CSMD1: variants seen among roughly 807,000 people sequenced by gnomAD.
The protein encoded by CSMD1 is CUB and sushi domain-containing protein 1.
Under a neutral mutation model 417.5 loss-of-function variants are expected in CSMD1, and 213 were observed. The observed-to-expected ratio is 0.51, with a 90% confidence interval of 0.46 to 0.57. The LOEUF (loss-of-function observed/expected upper bound fraction) is 0.57, where lower values mean the gene tolerates loss of function less well. CSMD1 is among the 20% of genes least tolerant of loss of function. The probability of loss-of-function intolerance (pLI) is 0.00; values close to 1 mark genes in which losing one functional copy is unlikely to be tolerated. For synonymous variants in CSMD1, 2,862 were observed against 1,736.8 expected, an observed-to-expected ratio of 1.65 and a Z score of -16.11; for missense variants, 6,923 against 4,529.7, an observed-to-expected ratio of 1.53 and a Z score of -15.17.
At chr8:3,727,993 T>C (rs1369541900) in intron 6 of CSMD1, among the ~76,000 whole-genome samples, 3 of 152,120 alleles carry the variant, frequency 2.0e-5, no homozygotes, top group Non-Finnish European at 4.4e-5. Context: ...TGGAAATGCA[T>C]GGTGGTGGAG....
intron 1 of CSMD1, among the ~76,000 whole-genome samples, chr8:4,881,093 A>G (rs1012995574): frequency 5.3e-5 from 8 of 152,086 alleles, no homozygotes; most frequent in Non-Finnish European, 7.4e-5. Flanking sequence ...TCCAGCCCAC[A>G]TTGTTCTTCC....
intron 49 of CSMD1, among the ~76,000 whole-genome samples, chr8:3,083,387 A>G (rs1814251072): frequency 6.6e-6 from 1 of 151,488 alleles, no homozygotes; most frequent in Admixed American, 6.6e-5. Flanking sequence ...CATCGTTGAT[A>G]ATCAGAGTGC....
intron 41 of CSMD1, 77 bp from the exon 42 acceptor site, chr8:3,118,664 A>T (rs1305208555): frequency 1.6e-6 from 2 of 1,270,514 alleles, no homozygotes; most frequent in African/African-American, 3.0e-5. Context: ...GAGTGTCATC[A>T]CATGTGACTG....
chr8:4,314,227 G>A (rs1204356744), intron 3 of CSMD1, among the ~76,000 whole-genome samples: 3 of 151,812 alleles, frequency 2.0e-5, no homozygotes, highest in African/African-American at 7.3e-5. Flanking sequence ...TAATAGTTAA[G>A]TCACAACACA....
intron 1 of CSMD1, among the ~76,000 whole-genome samples, chr8:4,839,632 G>C (rs558984078): frequency 2.0e-5 from 3 of 152,220 alleles, no homozygotes; most frequent in South Asian, 2.1e-4. Context: ...AGAAGAACTT[G>C]TTCCTCACAC....
chr8:3,426,807 T>C (rs1813870567), intron 12 of CSMD1, among the ~76,000 whole-genome samples: 1 of 152,244 alleles, frequency 6.6e-6, no homozygotes, highest in Non-Finnish European at 1.5e-5. Context: ...AGTTTCCTCA[T>C]GTTCCAAATC....
intron 3 of CSMD1, among the ~76,000 whole-genome samples, chr8:4,105,849 G>C (rs1563130602): frequency 1.3e-5 from 2 of 152,186 alleles, no homozygotes; most frequent in South Asian, 2.1e-4. Context: ...ATGACCCTCT[G>C]AGCTTCCCGG....
At chr8:4,365,718 G>A (rs1802030792) in intron 3 of CSMD1, among the ~76,000 whole-genome samples, 1 of 152,130 alleles carries the variant, frequency 6.6e-6, no homozygotes, top group Admixed American at 6.5e-5. Flanking sequence ...TCTGCCACGT[G>A]CTTTAGGCTG....
rs151213129 is a variant in CSMD1 at position 4,144,626 on chromosome 8, G to C, written c.416-112527C>G. Among the ~76,000 whole-genome samples, 12 of 150,964 alleles carry C rather than the reference G, an allele frequency of 7.9e-5. 1 individual carries two copies. Among genetic ancestry groups the C allele is most frequent in the African/African-American group, 2.5e-4 (10 of 40,312 alleles). ...GGTGAAGACAAGCTTGTTCTTGTTT[G>C]TCTGGAGCTTCTTTTTATCAGGAGA... On this transcript the variant is annotated intron_variant, in intron 3 of 69. Coordinates refer to ENST00000635120, the MANE Select transcript of CSMD1 (RefSeq NM_033225.6).
At chr8:4,605,883 G>C (rs1310273371) in intron 2 of CSMD1, among the ~76,000 whole-genome samples, 5 of 152,114 alleles carry the variant, frequency 3.3e-5, no homozygotes, top group Admixed American at 2.0e-4. Flanking sequence ...GGCTGGAGTA[G>C]AGACATTTGG....
At chr8:4,191,907 A>G (rs762252027) in intron 3 of CSMD1, among the ~76,000 whole-genome samples, 2 of 152,214 alleles carry the variant, frequency 1.3e-5, no homozygotes. Flanking sequence ...ATGAGGAAAG[A>G]AAGTGAGCAT....
chr8:4,709,605 C>T (rs942948288), intron 1 of CSMD1, among the ~76,000 whole-genome samples: 5 of 152,136 alleles, frequency 3.3e-5, no homozygotes, highest in African/African-American at 9.7e-5. Flanking sequence ...TGTCCAAAGG[C>T]AAGAAACAAA....
intron 3 of CSMD1, among the ~76,000 whole-genome samples, chr8:4,319,455 A>T (rs1184156175): frequency 1.3e-5 from 2 of 152,294 alleles, no homozygotes; most frequent in African/African-American, 4.8e-5. Flanking sequence ...TCCAAATAAT[A>T]GCTACTCCTT....
intron 10 of CSMD1, among the ~76,000 whole-genome samples, chr8:3,512,608 T>C (rs1490189270): frequency 2.0e-5 from 3 of 150,658 alleles, no homozygotes; most frequent in East Asian, 1.9e-4. Context: ...TTCTTTTTTT[T>C]TTTTTTTTTT....
intron 37 of CSMD1, among the ~76,000 whole-genome samples, chr8:3,176,207 T>C (rs981622542): frequency 1.3e-5 from 2 of 152,134 alleles, no homozygotes; most frequent in African/African-American, 2.4e-5. Flanking sequence ...TATATTAAAA[T>C]CAAAATACTT....
chr8:4,023,372 G>A (rs932312180), intron 4 of CSMD1, among the ~76,000 whole-genome samples: 2 of 152,086 alleles, frequency 1.3e-5, no homozygotes, highest in African/African-American at 2.4e-5. Context: ...GAACAACAAT[G>A]CCCTGGTCCA....
At chr8:4,171,604 G>A (rs906359794) in intron 3 of CSMD1, among the ~76,000 whole-genome samples, 4 of 151,320 alleles carry the variant, frequency 2.6e-5, no homozygotes, top group East Asian at 1.9e-4. Context: ...CTTAGGGGAC[G>A]GTCCCACTAA....
chr8:4,176,502 C>T (rs1225210875), intron 3 of CSMD1, among the ~76,000 whole-genome samples: 1 of 152,048 alleles, frequency 6.6e-6, no homozygotes, highest in Non-Finnish European at 1.5e-5. Context: ...ACTACTGGTT[C>T]TATACCTTCA....
chr8:3,281,224 C>T (rs192584069), intron 26 of CSMD1, among the ~76,000 whole-genome samples: 67 of 152,228 alleles, frequency 4.4e-4, no homozygotes, highest in African/African-American at 1.4e-3. Flanking sequence ...AGGTGGATCA[C>T]CTGAGGTAAG....
Sources: allele counts gnomAD v4.1 joint callset (sites outside exome capture counted in the v4.1 genomes callset), GRCh38; gene constraint gnomAD v4.1.1; transcripts MANE v1.5; gene names NCBI Gene and HGNC (gene_info 2026-07-23, HGNC 2026-07-21).